Variants in OR5A1 observed in about 807,000 individuals in gnomAD.
OR5A1 encodes the protein olfactory receptor family 5 subfamily A member 1.
OR5A1 carries 6 observed loss-of-function variants against 6.7 expected under a neutral mutation model. The ratio of observed to expected loss-of-function variants is 0.89; its 90% CI spans 0.49 to 1.76. The LOEUF is 1.76. Among genes scored for constraint, OR5A1 ranks in the 40% most tolerant of loss-of-function variants. The probability of loss-of-function intolerance (pLI) is 0.01; values close to 1 mark genes in which losing one functional copy is unlikely to be tolerated. For missense variants in OR5A1, 378 were observed against 381.7 expected (o/e 0.99, Z 0.08); for synonymous variants, 170 against 155.0 (o/e 1.10, Z -0.72).
Position 59,450,366 on chromosome 11 carries a change from G to T in OR5A1, c.*6250G>T, listed in dbSNP as rs1858602577. 1 of 152,136 alleles carries T rather than the reference G, an allele frequency of 6.6e-6. No individual in the cohort carries two copies. The highest frequency in any genetic ancestry group is 1.5e-5 in the Non-Finnish European group (1 of 68,016). 9.4% of individuals were successfully genotyped at this position (152,136 alleles called of 1,614,324 possible). On this transcript the variant is annotated 3_prime_UTR_variant, in exon 2 of 2. Transcript: ENST00000641045. The stretch of plus-strand genomic sequence containing the variant: ...CAGAGACCTGAGTTGGCTGATTCCA[G>T]GTTCTCCTCTGGGTGCCTCCAGCCA...
intron 1 of OR5A1, 105 bp downstream of exon 1, chr11:59,436,940 T>C (rs1014411103): frequency 1.3e-5 from 2 of 152,230 alleles, no homozygotes; most frequent in Admixed American, 6.5e-5. Context: ...CTTTGACTTT[T>C]AGTTTTTCTC....
Position 59,439,957 on chromosome 11 carries a change from A to G in OR5A1, c.-34+3122A>G, listed in dbSNP as rs577738122. Among the ~76,000 whole-genome samples the G allele has an allele frequency of 5.3e-5, 8 of 152,366 alleles. No homozygotes were observed. The South Asian group carries it at 1.7e-3, about 32-fold the overall frequency. ...TTTTAAGGAATAGTTGCTGCTGATA[A>G]CAATCACATTCCCAGTTTATTAAGC... On this transcript the variant is annotated intron_variant, in intron 1 of 1. Transcript: ENST00000641045.
rs1182673764 is a variant in OR5A1, at chr11:59,450,978, C to T, written c.*6862C>T. Reference sequence around the variant, plus strand: ...TGATGAGCTTTGTTTATATTTAGGACATTAAACATTTGGTTTATTAACTCT... The same window carrying T: ...TGATGAGCTTTGTTTATATTTAGGATATTAAACATTTGGTTTATTAACTCT... On this transcript the variant is annotated 3_prime_UTR_variant, in exon 2 of 2. Transcript: ENST00000641045. 6.6e-6 allele frequency: 1 copy of T among 152,156 alleles called. No individual in the cohort carries two copies. Among genetic ancestry groups the T allele is most frequent in the Admixed American group, 6.6e-5 (1 of 15,266 alleles). The allele number at this position is 152,156 out of a possible 1,614,324, so 9.4% of individuals were successfully genotyped here.
rs1158177159 is a variant in OR5A1 at position 59,447,379 on chromosome 11, T to C, written c.*3263T>C. The C allele has an allele frequency of 3.3e-5, 5 of 152,194 alleles. No homozygotes were observed. The highest frequency in any genetic ancestry group is 9.7e-5 in the African/African-American group (4 of 41,444). 9.4% of individuals were successfully genotyped at this position (152,194 alleles called of 1,614,324 possible). A position where few individuals can be genotyped will look rare whatever the true frequency, so the allele number is the denominator to read the frequency against. On this transcript the variant is annotated 3_prime_UTR_variant, in exon 2 of 2. Transcript: ENST00000641045. ...CAGAAGCAGAGGCCACAGCTATGCC[T>C]AGAACTACAGAACAACTGCCACTGG...
chr11:59,444,250 C>T lies in OR5A1; in HGVS notation c.*134C>T. 1.8e-6 allele frequency: 1 copy of T among 546,874 alleles called. No homozygotes were observed. Among genetic ancestry groups the T allele is most frequent in the Non-Finnish European group, 3.2e-6 (1 of 310,092 alleles). 33.9% of individuals were successfully genotyped at this position (546,874 alleles called of 1,614,324 possible). A position where few individuals can be genotyped will look rare whatever the true frequency, so the allele number is the denominator to read the frequency against. On this transcript the variant is annotated 3_prime_UTR_variant, in exon 2 of 2. Coordinates refer to ENST00000641045, the MANE Select transcript of OR5A1 (RefSeq NM_001004728.2). ...GAGACTCTTCCCTCCAGATTCCTCT[C>T]ACCCTTCCTCATGGTCACTTGTCTA... is the stretch of plus-strand genomic sequence containing the variant.
At chr11:59,439,030 C>A (rs1679558237) in intron 1 of OR5A1, among the ~76,000 whole-genome samples, 1 of 152,124 alleles carries the variant, frequency 6.6e-6, no homozygotes, top group South Asian at 2.1e-4. Flanking sequence ...TGAAGGACAC[C>A]AGATCAGGAT....
rs1188298083 is a variant in OR5A1 at position 59,448,438 on chromosome 11, G to C, written c.*4322G>C. ...GTCAGTATCTCCAGGTCTCAGTCAA[G>C]GCCTCTTTATGATGACGTTGGTCTC... On this transcript the variant is annotated 3_prime_UTR_variant, in exon 2 of 2. Transcript: ENST00000641045. 6.6e-6 allele frequency: 1 copy of C among 152,138 alleles called. No homozygotes were observed. The highest frequency in any genetic ancestry group is 2.4e-5 in the African/African-American group (1 of 41,424). The allele number at this position is 152,138 out of a possible 1,614,324, so 9.4% of individuals were successfully genotyped here. A position where few individuals can be genotyped will look rare whatever the true frequency, so the allele number is the denominator to read the frequency against.
In OR5A1 at chr11:59,450,616, AT is replaced by A. The variant is rs1477235679; in HGVS notation, c.*6507del. On this transcript the variant is annotated 3_prime_UTR_variant, in exon 2 of 2. Coordinates refer to ENST00000641045, the MANE Select transcript of OR5A1 (RefSeq NM_001004728.2). ...TCATAATCAGAAGCCATTTAAAATC[AT>A]TTTTTTAATTAGACACAACAGAACG... The A allele has an allele frequency of 3.3e-5, 5 of 152,166 alleles. No individual in the cohort carries two copies. The highest frequency in any genetic ancestry group is 7.3e-5 in the Non-Finnish European group (5 of 68,036). The allele number at this position is 152,166 out of a possible 1,614,324, so 9.4% of individuals were successfully genotyped here. A position where few individuals can be genotyped will look rare whatever the true frequency, so the allele number is the denominator to read the frequency against.
chr11:59,437,314 C>T (rs999199562), intron 1 of OR5A1, among the ~76,000 whole-genome samples: 4 of 152,162 alleles, frequency 2.6e-5, no homozygotes, highest in Admixed American at 6.6e-5. Context: ...CCTAAAAACC[C>T]TCTGTGCTCT....
chr11:59,443,360 C>A lies in OR5A1; in HGVS notation c.192C>A (p.Phe64Leu). 6.2e-7 allele frequency: 1 copy of A among 1,613,892 alleles called. No homozygotes were observed. The highest frequency in any genetic ancestry group is 8.5e-7 in the Non-Finnish European group (1 of 1,180,018). The change falls in exon 2 of 2, where the codon TTC (phenylalanine) becomes TTA (leucine). Residue 64 changes from phenylalanine (F) to leucine (L), a missense_variant. Coordinates refer to ENST00000641045, the MANE Select transcript of OR5A1 (RefSeq NM_001004728.2). ...GDTHLHTPMY[F>L]FLSNLSFIDI... ...CCCATCTGCACACACCCATGTACTT[C>A]TTCCTAAGCAACTTATCTTTCATTG...
Position 59,447,246 on chromosome 11 carries a change from C to A in OR5A1, c.*3130C>A, listed in dbSNP as rs1255530568. On this transcript the variant is annotated 3_prime_UTR_variant, in exon 2 of 2. Coordinates refer to ENST00000641045, the MANE Select transcript of OR5A1 (RefSeq NM_001004728.2). Reference sequence around the variant, plus strand: ...GGTTTTATAGTGGCAGCCAAATATACCACCCAGGGAAAATACTAGAGAAAC... The same window carrying A: ...GGTTTTATAGTGGCAGCCAAATATAACACCCAGGGAAAATACTAGAGAAAC... 6.6e-6 allele frequency: 1 copy of A among 152,102 alleles called. No homozygotes were observed. Among genetic ancestry groups the A allele is most frequent in the African/African-American group, 2.4e-5 (1 of 41,402 alleles). 9.4% of individuals were successfully genotyped at this position (152,102 alleles called of 1,614,324 possible).
At chr11:59,441,280 C>A (rs9787846) in intron 1 of OR5A1, among the ~76,000 whole-genome samples, 28,536 of 151,806 alleles carry the variant, frequency 0.19, 3,456 homozygotes, top group Non-Finnish European at 0.27. Context: ...TATACTTGTA[C>A]ATAAAAAGTA....
At chr11:59,440,678 C>T (rs892710729) in intron 1 of OR5A1, among the ~76,000 whole-genome samples, 5 of 152,186 alleles carry the variant, frequency 3.3e-5, no homozygotes, top group African/African-American at 4.8e-5. Context: ...CCAGTTTCTC[C>T]ATGTGACTCT....
intron 1 of OR5A1, among the ~76,000 whole-genome samples, chr11:59,437,573 C>T (rs1463562179): frequency 6.6e-6 from 1 of 152,154 alleles, no homozygotes; most frequent in African/African-American, 2.4e-5. Flanking sequence ...TTCAAGCATT[C>T]TCTGCTGTCA....
intron 1 of OR5A1, among the ~76,000 whole-genome samples, chr11:59,440,115 G>A (rs1299516217): frequency 2.0e-5 from 3 of 152,200 alleles, no homozygotes; most frequent in Admixed American, 6.5e-5. Flanking sequence ...CTAGGCTGGA[G>A]TGTAGTGGCA....
intron 1 of OR5A1, 131 bp from the exon 2 acceptor site, chr11:59,443,005 G>C (rs1590613133): frequency 3.3e-6 from 2 of 603,878 alleles, no homozygotes; most frequent in East Asian, 5.5e-5. Flanking sequence ...GAGAGACTGA[G>C]ACTGAGACTG....
intron 1 of OR5A1, among the ~76,000 whole-genome samples, chr11:59,440,865 A>T (rs1260135825): frequency 6.6e-6 from 1 of 152,200 alleles, no homozygotes; most frequent in Non-Finnish European, 1.5e-5. Flanking sequence ...TAATGTGATG[A>T]ATATCTAAAA....
Position 59,443,840 on chromosome 11 carries a change from AGT to A in OR5A1, c.675_676del (p.Ser226CysfsTer94), listed in dbSNP as rs1398055731. 6.2e-7 allele frequency: 1 copy of A among 1,613,950 alleles called. No individual in the cohort carries two copies. The highest frequency in any genetic ancestry group is 1.3e-5 in the African/African-American group (1 of 74,870). Reference protein sequence around the residue: ...LQLLISYGYIVSAVLKIPSAE... With the variant: ...LQLLISYGYIXSAVLKIPSAE... ...AACTCCTTATCTCCTATGGTTACAT[AGT>A]GTCTGCGGTCCTGAAGATCCCTTCA... On this transcript the variant is annotated frameshift_variant, in exon 2 of 2. Transcript: ENST00000641045. LOFTEE classifies it high-confidence loss of function.
intron 1 of OR5A1, among the ~76,000 whole-genome samples, chr11:59,440,182 G>A (rs985925802): frequency 3.3e-5 from 5 of 152,124 alleles, no homozygotes; most frequent in Non-Finnish European, 5.9e-5. Context: ...TCCCACCTCA[G>A]CCTCCTGGTA....
Sources: allele counts gnomAD v4.1 joint callset (sites outside exome capture counted in the v4.1 genomes callset), GRCh38; gene constraint gnomAD v4.1.1; transcripts MANE v1.5; gene names NCBI Gene and HGNC (gene_info 2026-07-23, HGNC 2026-07-21).